Variants in XKR5 observed in about 807,000 individuals in gnomAD.
XKR5 encodes XK related 5.
In XKR5, 46 loss-of-function variants were observed where a neutral mutation model predicts 40.8. The observed-to-expected ratio is 1.13, with a 90% CI of 0.89 to 1.44. XKR5 has a LOEUF of 1.44. XKR5 is among the 40% of genes most tolerant of loss of function. XKR5 has a pLI of 0.00. For missense variants in XKR5, 1,169 were observed against 844.7 expected (o/e 1.38, Z -4.76); for synonymous variants, 466 against 356.1 (o/e 1.31, Z -3.48).
Position 6,815,806 on chromosome 8 carries a change from C to A in XKR5, c.919+1G>T, listed in dbSNP as rs759548890. On this transcript the variant is annotated splice_donor_variant, in intron 6 of 6. Coordinates refer to ENST00000618742, the MANE Select transcript of XKR5 (RefSeq NM_207411.5). LOFTEE classifies it high-confidence loss of function. ...GAGAAGAAGGTGACATTGGGACTTA[C>A]CAATCAGAAATCCAGACAGGACCCC... 6.3e-7 allele frequency: 1 copy of A among 1,593,272 alleles called. No homozygotes were observed. The highest frequency in any genetic ancestry group is 1.3e-5 in the African/African-American group (1 of 74,540).
chr8:6,821,797 C>CCA, intron 5 of XKR5, 72 bp downstream of exon 5: 1 of 1,368,474 alleles, frequency 7.3e-7, no homozygotes, highest in Non-Finnish European at 1.0e-6. Flanking sequence ...CACACACCCC[C>CCA]CACACACACC....
chr8:6,830,899 G>A (rs1045584224), intron 2 of XKR5, among the ~76,000 whole-genome samples: 6 of 152,126 alleles, frequency 3.9e-5, no homozygotes, highest in African/African-American at 1.2e-4. Context: ...GCATGAATTT[G>A]GACACACCGT....
Position 6,811,626 on chromosome 8 carries a change from T to A in XKR5, c.1633A>T (p.Ser545Cys). The change falls in exon 7 of 7, where the codon AGC (serine) becomes TGC (cysteine). Residue 545 changes from serine to cysteine, a missense_variant. Coordinates refer to ENST00000618742, the MANE Select transcript of XKR5 (RefSeq NM_207411.5). ...EGQQSSTLYF[S>C]ATAEVATSSQ... ...GATGTGGCCACTTCTGCAGTGGCGC[T>A]GAAGTACAACGTGGAACTCTGCTGT... is the stretch of plus-strand genomic sequence containing the variant. 2 of 1,537,470 alleles carry A rather than the reference T, an allele frequency of 1.3e-6. No homozygotes were observed. The highest frequency in any genetic ancestry group is 2.4e-5 in the South Asian group (2 of 84,054).
intron 1 of XKR5, among the ~76,000 whole-genome samples, chr8:6,833,657 A>G (rs1278062360): frequency 6.6e-6 from 1 of 152,170 alleles, no homozygotes; most frequent in Non-Finnish European, 1.5e-5. Context: ...CGGAGTTTGC[A>G]GTGAGTCGAG....
At chr8:6,832,639 A>C in intron 2 of XKR5, 78 bp downstream of exon 2, 1 of 1,563,828 alleles carries the variant, frequency 6.4e-7, no homozygotes, top group Non-Finnish European at 8.7e-7. Flanking sequence ...TTGAGGACAG[A>C]ATCCACATGG....
rs1803621670 is a variant in XKR5 at position 6,810,309 on chromosome 8, G to C, written c.*889C>G. 1 of 152,276 alleles carries C rather than the reference G, an allele frequency of 6.6e-6. No homozygotes were observed. Among genetic ancestry groups the C allele is most frequent in the Admixed American group, 6.5e-5 (1 of 15,290 alleles). 9.4% of individuals were successfully genotyped at this position (152,276 alleles called of 1,614,324 possible). A position where few individuals can be genotyped will look rare whatever the true frequency, so the allele number is the denominator to read the frequency against. On this transcript the variant is annotated 3_prime_UTR_variant, in exon 7 of 7. Transcript: ENST00000618742. The stretch of plus-strand genomic sequence containing the variant: ...AGTGGAGGAGTCAGAGAGAAGGAGA[G>C]TGCGAGAGGAATGGACGTTTCCTCC...
At position 6,823,603 on chromosome 8, in the gene XKR5, C is replaced by G; in HGVS notation, c.555G>C (p.Trp185Cys). ...CGCGGGTTCCCAACATGCCCATCCTCCAGAGCTGCTGGCAGAAGAGGGCGG... is the reference window on the plus strand; with the variant it reads ...CGCGGGTTCCCAACATGCCCATCCTGCAGAGCTGCTGGCAGAAGAGGGCGG... ...PWAALFCQQL[W>C]RMGMLGTRVL... Residue 185 changes from tryptophan (W) to cysteine (C), a missense_variant, in exon 4 of 7, where the codon TGG becomes TGC. Physicochemically the swap from Trp to Cys is radical, Grantham distance 215. Coordinates refer to ENST00000618742, the MANE Select transcript of XKR5 (RefSeq NM_207411.5). The G allele has an allele frequency of 6.3e-7, 1 of 1,596,442 alleles. No individual in the cohort carries two copies. The highest frequency in any genetic ancestry group is 1.7e-4 in the Middle Eastern group (1 of 6,050).
intron 2 of XKR5, among the ~76,000 whole-genome samples, chr8:6,826,280 G>A (rs1442636883): frequency 6.6e-6 from 1 of 152,134 alleles, no homozygotes; most frequent in Non-Finnish European, 1.5e-5. Flanking sequence ...AGGTATATGT[G>A]TGTATATTCA....
rs180944348 is a variant in XKR5 at position 6,814,283 on chromosome 8, G to A, written c.919+1524C>T. Among the ~76,000 whole-genome samples, 69 of 152,298 alleles carry A rather than the reference G, an allele frequency of 4.5e-4. 2 individuals are homozygous for A. Among genetic ancestry groups the A allele is most frequent in the East Asian group, 3.3e-3 (17 of 5,188 alleles). ...TCGACGATGAAACAAGCTGTGGTCCGTCCAAACCATGGGATGCGACTCAGC... is the reference window on the plus strand; with the variant it reads ...TCGACGATGAAACAAGCTGTGGTCCATCCAAACCATGGGATGCGACTCAGC... On this transcript the variant is annotated intron_variant, in intron 6 of 6. Transcript: ENST00000618742.
chr8:6,815,677 G>A (rs1480082566), intron 6 of XKR5, 130 bp downstream of exon 6: 3 of 628,806 alleles, frequency 4.8e-6, no homozygotes, highest in Admixed American at 2.6e-5. Flanking sequence ...CCCCCACATC[G>A]CAGTGAGCCT....
intron 1 of XKR5, among the ~76,000 whole-genome samples, chr8:6,834,115 A>G (rs552960369): frequency 9.1e-4 from 138 of 152,224 alleles, no homozygotes; most frequent in African/African-American, 3.1e-3. Flanking sequence ...GGCCTCCCCA[A>G]TACTCCTAGC....
chr8:6,822,016 T>G lies in XKR5; in HGVS notation c.660A>C (p.Thr220=). The G allele has an allele frequency of 6.2e-7, 1 of 1,605,930 alleles. No homozygotes were observed. The highest frequency in any genetic ancestry group is 1.7e-4 in the Middle Eastern group (1 of 6,030). Residue 220 remains threonine (T), a synonymous_variant, in exon 5 of 7, where the codon ACA becomes ACC. Coordinates refer to ENST00000618742, the MANE Select transcript of XKR5 (RefSeq NM_207411.5). ...VVAGAHWLVM[T]FWLVAQQSDI... The stretch of plus-strand genomic sequence containing the variant: ...CACTCTGCTGGGCGACAAGCCAGAA[T>G]GTCATCACCAGCCAGTGGGCACCTG...
At chr8:6,818,175 C>G (rs1262895134) in intron 5 of XKR5, among the ~76,000 whole-genome samples, 3 of 152,220 alleles carry the variant, frequency 2.0e-5, no homozygotes, top group Admixed American at 1.3e-4. Context: ...GCTGTGCGCA[C>G]TCACTTTCCT....
intron 6 of XKR5, among the ~76,000 whole-genome samples, chr8:6,814,482 G>A (rs989865807): frequency 6.6e-6 from 1 of 152,126 alleles, no homozygotes; most frequent in Non-Finnish European, 1.5e-5. Flanking sequence ...AGGTGGCAGG[G>A]GCGAGAGGAA....
rs1380980908 is a variant in XKR5, at chr8:6,823,621, G to C, written c.537C>G (p.Leu179=). Residue 179 remains leucine, a synonymous_variant, in exon 4 of 7, where the codon CTC becomes CTG. Coordinates refer to ENST00000618742, the MANE Select transcript of XKR5 (RefSeq NM_207411.5). ...PGHLAMPWAA[L]FCQQLWRMGM... The stretch of plus-strand genomic sequence containing the variant: ...CCATCCTCCAGAGCTGCTGGCAGAA[G>C]AGGGCGGCCCATGGCATGGCCAGGT... 1.3e-6 allele frequency: 2 copies of C among 1,594,684 alleles called. No individual in the cohort carries two copies. Among genetic ancestry groups the C allele is most frequent in the Non-Finnish European group, 1.7e-6 (2 of 1,170,776 alleles).
intron 2 of XKR5, among the ~76,000 whole-genome samples, chr8:6,827,697 T>C (rs545399278): frequency 1.1e-4 from 16 of 152,170 alleles, no homozygotes; most frequent in Non-Finnish European, 2.4e-4. Flanking sequence ...GTTCCTGACA[T>C]GGGGTAGTTT....
In XKR5 at chr8:6,835,521, C is replaced by T. The variant is rs1290636078; in HGVS notation, c.-28G>A. 8 of 1,484,296 alleles carry T rather than the reference C, an allele frequency of 5.4e-6. No homozygotes were observed. Among genetic ancestry groups the T allele is most frequent in the African/African-American group, 2.9e-5 (2 of 68,940 alleles). 91.9% of individuals were successfully genotyped at this position (1,484,296 alleles called of 1,614,324 possible). A position where few individuals can be genotyped will look rare whatever the true frequency, so the allele number is the denominator to read the frequency against. On this transcript the variant is annotated 5_prime_UTR_variant, in exon 1 of 7. Transcript: ENST00000618742. ...TCCGTGCCGACCCCGCAGCCTGCGC[C>T]CGCCCCTTCCCCTGCACGCGGCCCC...
chr8:6,811,948 C>T lies in XKR5; in HGVS notation c.1311G>A (p.Gly437=), dbSNP rs187983257. The change falls in exon 7 of 7, where the codon GGG becomes GGA. Residue 437 remains glycine, a synonymous_variant. Transcript: ENST00000618742. The part of the protein sequence containing the change: ...NSPAYCPPAW[G]LSQQDYLQRK... The stretch of plus-strand genomic sequence containing the variant: ...TCTGCAGGTAGTCCTGTTGACTCAA[C>T]CCCCATGCAGGTGGACAATAGGCAG... The T allele has an allele frequency of 1.9e-5, 29 of 1,537,344 alleles. No individual in the cohort carries two copies. Among genetic ancestry groups the T allele is most frequent in the Middle Eastern group, 3.3e-4 (2 of 5,990 alleles).
At chr8:6,831,550 C>T (rs1399551689) in intron 2 of XKR5, among the ~76,000 whole-genome samples, 1 of 152,192 alleles carries the variant, frequency 6.6e-6, no homozygotes, top group African/African-American at 2.4e-5. Flanking sequence ...TCACTCATTT[C>T]AGTGCCTCCG....
Sources: gnomAD v4.1 joint callset for allele counts (sites outside exome capture counted in the v4.1 genomes callset) on GRCh38, gnomAD v4.1.1 for gene constraint, MANE v1.5 for transcripts, NCBI Gene and HGNC (gene_info 2026-07-23, HGNC 2026-07-21) for gene names.